RPS6KA5: variants seen among roughly 807,000 people sequenced by gnomAD.
The protein encoded by RPS6KA5 is ribosomal protein S6 kinase alpha-5.
RPS6KA5 carries 27 observed loss-of-function variants against 85.5 expected under a neutral mutation model. That is an observed-to-expected ratio of 0.32 (90% CI 0.23 to 0.44). The LOEUF (loss-of-function observed/expected upper bound fraction) is 0.44. Among genes scored for constraint, RPS6KA5 ranks in the 20% least tolerant of loss-of-function variants. The pLI, the probability that RPS6KA5 is intolerant of heterozygous loss-of-function variation, is 1.00. For synonymous variants in RPS6KA5, 334 were observed against 348.2 expected, an observed-to-expected ratio of 0.96 and a Z score of 0.46; for missense variants, 811 against 980.9, an observed-to-expected ratio of 0.83 and a Z score of 2.31.
At chr14:90,920,133 T>C (rs1477685477) in intron 7 of RPS6KA5, 73 bp downstream of exon 7, 12 of 976,310 alleles carry the variant, frequency 1.2e-5, no homozygotes, top group Non-Finnish European at 1.8e-5. Flanking sequence ...ATCGTTTACA[T>C]CAGCCTAACC....
chr14:90,958,016 T>C (rs1042468557), intron 3 of RPS6KA5, among the ~76,000 whole-genome samples: 2 of 151,966 alleles, frequency 1.3e-5, no homozygotes, highest in African/African-American at 4.8e-5. Flanking sequence ...TAGCCAGGCA[T>C]GTAGTTCCAG....
At chr14:90,906,321 T>C (rs556377002) in intron 7 of RPS6KA5, 22 bp from the exon 8 acceptor site, 8 of 1,537,284 alleles carry the variant, frequency 5.2e-6, no homozygotes, top group Non-Finnish European at 7.0e-6. Context: ...CAAAACTTGC[T>C]GTTAAAACAA....
At chr14:90,986,152 C>T (rs2140509679) in intron 2 of RPS6KA5, among the ~76,000 whole-genome samples, 1 of 149,328 alleles carries the variant, frequency 6.7e-6, no homozygotes, top group Non-Finnish European at 1.5e-5. Flanking sequence ...CCTGTGCTTA[C>T]ATCCAAAGAT....
At position 90,996,175 on chromosome 14, in the gene RPS6KA5, G is replaced by T. The variant is rs926244883; in HGVS notation, c.175+4913C>A. On this transcript the variant is annotated intron_variant, in intron 2 of 16. Transcript: ENST00000614987. Reference sequence around the variant, plus strand: ...TATAAGCGAGTGTCACAACAGCCCAGGCTAATTTGTTTTTTTTGTTTTTTT... The same window carrying T: ...TATAAGCGAGTGTCACAACAGCCCATGCTAATTTGTTTTTTTTGTTTTTTT... Among the ~76,000 whole-genome samples, 12 of 151,992 alleles carry T rather than the reference G, an allele frequency of 7.9e-5. No individual in the cohort carries two copies. In the East Asian group the frequency reaches 1.9e-3, roughly 24 times the overall value.
At chr14:91,032,118 C>T (rs1250284740) in intron 1 of RPS6KA5, among the ~76,000 whole-genome samples, 3 of 152,184 alleles carry the variant, frequency 2.0e-5, no homozygotes, top group Non-Finnish European at 1.5e-5. Context: ...GATTTCATAG[C>T]CTCCCTTGCA....
Position 90,920,199 on chromosome 14 carries a change from AT to A in RPS6KA5, c.806+6del. 1 of 1,532,352 alleles carries A rather than the reference AT, an allele frequency of 6.5e-7. No homozygotes were observed. Among genetic ancestry groups the A allele is most frequent in the Non-Finnish European group, 9.0e-7 (1 of 1,105,960 alleles). 94.9% of individuals were successfully genotyped at this position (1,532,352 alleles called of 1,614,324 possible). ...CAATGCATTTATTTTATTTTGTCAA[AT>A]CTTACCTAGATATCTCAGCTTGGGA... is the stretch of plus-strand genomic sequence containing the variant. On this transcript the variant is annotated splice_donor_region_variant and intron_variant, in intron 7 of 16. Coordinates refer to ENST00000614987, the MANE Select transcript of RPS6KA5 (RefSeq NM_004755.4).
At position 91,016,665 on chromosome 14, in the gene RPS6KA5, C is replaced by T. The variant is rs2041510414; in HGVS notation, c.104-15506G>A. ...AAAGTGAGGGATGCACAGCAGCATT[C>T]CACCATCAAATGAAAGTGGTATACA... is the stretch of plus-strand genomic sequence containing the variant. On this transcript the variant is annotated intron_variant, in intron 1 of 16. Transcript: ENST00000614987. Among the ~76,000 whole-genome samples the T allele has an allele frequency of 2.0e-5, 3 of 151,976 alleles. No individual in the cohort carries two copies. The South Asian group carries it at 6.2e-4, about 32-fold the overall frequency.
intron 7 of RPS6KA5, among the ~76,000 whole-genome samples, chr14:90,909,105 G>A (rs1278275458): frequency 3.9e-5 from 6 of 152,200 alleles, no homozygotes; most frequent in Admixed American, 6.5e-5. Flanking sequence ...GAGTGTGAAC[G>A]TCAATCTGAA....
intron 7 of RPS6KA5, 81 bp downstream of exon 7, chr14:90,920,125 C>T (rs188617788): frequency 5.6e-6 from 5 of 898,430 alleles, no homozygotes; most frequent in Admixed American, 3.6e-5. Context: ...AAAAAATTAT[C>T]GTTTACATCA....
chr14:90,976,672 G>A (rs1171748299), intron 3 of RPS6KA5, among the ~76,000 whole-genome samples: 1 of 152,116 alleles, frequency 6.6e-6, no homozygotes, highest in Non-Finnish European at 1.5e-5. Context: ...GATACACACA[G>A]GAGGCAGAAT....
At chr14:90,965,467 G>A (rs2039016149) in intron 3 of RPS6KA5, among the ~76,000 whole-genome samples, 2 of 152,304 alleles carry the variant, frequency 1.3e-5, no homozygotes, top group South Asian at 2.1e-4. Context: ...GCAAAAGAAA[G>A]GAGAAAGGAA....
At chr14:91,034,306 C>CAA (rs201455291) in intron 1 of RPS6KA5, among the ~76,000 whole-genome samples, 49 of 108,682 alleles carry the variant, frequency 4.5e-4, no homozygotes, top group African/African-American at 1.6e-3. Context: ...AACCCTGTCT[C>CAA]AAAAAAAAAA....
intron 14 of RPS6KA5, among the ~76,000 whole-genome samples, chr14:90,885,415 T>A (rs1421945871): frequency 2.0e-5 from 3 of 146,650 alleles, no homozygotes; most frequent in African/African-American, 5.1e-5. Flanking sequence ...TAGCCGGGCG[T>A]AGTGGCGGGC....
chr14:90,855,418 G>C lies in RPS6KA5; in HGVS notation c.*16656C>G, dbSNP rs754587630. 1 of 150,270 alleles carries C rather than the reference G, an allele frequency of 6.7e-6. No homozygotes were observed. Among genetic ancestry groups the C allele is most frequent in the Non-Finnish European group, 1.5e-5 (1 of 67,344 alleles). 9.3% of individuals were successfully genotyped at this position (150,270 alleles called of 1,614,324 possible). On this transcript the variant is annotated 3_prime_UTR_variant, in exon 17 of 17. Coordinates refer to ENST00000614987, the MANE Select transcript of RPS6KA5 (RefSeq NM_004755.4). Reference sequence around the variant, plus strand: ...AAAGAAAAACTGAACTCAAACAAAGGCCTGGTACTTACATTATTTTTTATT... The same window carrying C: ...AAAGAAAAACTGAACTCAAACAAAGCCCTGGTACTTACATTATTTTTTATT...
At chr14:91,020,534 C>CTCTG (rs1491262892) in intron 1 of RPS6KA5, among the ~76,000 whole-genome samples, 7 of 109,998 alleles carry the variant, frequency 6.4e-5, no homozygotes, top group Admixed American at 4.5e-4. Flanking sequence ...TAAGGAATGA[C>CTCTG]TGTGTGTGTG....
chr14:91,044,386 A>G (rs1348892882), intron 1 of RPS6KA5, among the ~76,000 whole-genome samples: 6 of 24,454 alleles, frequency 2.5e-4, no homozygotes, highest in African/African-American at 8.9e-4. Context: ...GGAAAGAAAG[A>G]AAGAAGGAAA....
At chr14:90,901,893 T>C (rs986572852) in intron 9 of RPS6KA5, among the ~76,000 whole-genome samples, 2 of 152,196 alleles carry the variant, frequency 1.3e-5, no homozygotes, top group Non-Finnish European at 2.9e-5. Flanking sequence ...TGTTTTTATA[T>C]GGGGGTTGAG....
intron 9 of RPS6KA5, among the ~76,000 whole-genome samples, chr14:90,901,026 A>G (rs1169101956): frequency 6.6e-6 from 1 of 152,212 alleles, no homozygotes; most frequent in African/African-American, 2.4e-5. Context: ...CATAGATGAA[A>G]TTCTCCTGGT....
intron 2 of RPS6KA5, among the ~76,000 whole-genome samples, chr14:90,981,473 T>C (rs1038862398): frequency 6.6e-6 from 1 of 152,214 alleles, no homozygotes; most frequent in Non-Finnish European, 1.5e-5. Context: ...ACTCAAAATA[T>C]GCATGAAGTA....
Sources: allele counts gnomAD v4.1 joint callset (sites outside exome capture counted in the v4.1 genomes callset), GRCh38; gene constraint gnomAD v4.1.1; transcripts MANE v1.5; gene names NCBI Gene and HGNC (gene_info 2026-07-23, HGNC 2026-07-21).